The following MDFIC variants were observed in gnomAD, a reference collection of about 807,000 sequenced individuals.
MDFIC encodes the protein MyoD family inhibitor domain containing, also known as myoD family inhibitor domain-containing protein.
A neutral mutation model predicts 23.2 loss-of-function variants in MDFIC; 17 were observed. That is an observed-to-expected ratio of 0.73 (90% CI 0.50 to 1.10). The LOEUF (loss-of-function observed/expected upper bound fraction) is 1.10. Among genes scored for constraint, MDFIC ranks in the 50% least tolerant of loss-of-function variants. MDFIC has a pLI of 0.00. For missense variants in MDFIC, 356 were observed against 316.6 expected, an observed-to-expected ratio of 1.12 and a Z score of -0.95; for synonymous variants, 120 against 115.2, an observed-to-expected ratio of 1.04 and a Z score of -0.27.
At chr7:114,929,575 A>C (rs1188286888) in intron 2 of MDFIC, among the ~76,000 whole-genome samples, 1 of 152,246 alleles carries the variant, frequency 6.6e-6, no homozygotes, top group African/African-American at 2.4e-5. Context: ...TAGAAATTTA[A>C]GGTAATCCAT....
chr7:114,949,012 T>A (rs540082106), intron 3 of MDFIC, among the ~76,000 whole-genome samples: 11 of 152,334 alleles, frequency 7.2e-5, no homozygotes, highest in African/African-American at 2.6e-4. Context: ...ATCAGATTTG[T>A]TTTCGTGAAG....
At chr7:115,006,143 C>T (rs559678307) in intron 4 of MDFIC, among the ~76,000 whole-genome samples, 2 of 152,306 alleles carry the variant, frequency 1.3e-5, no homozygotes, top group African/African-American at 4.8e-5. Context: ...GCTGCCCTTG[C>T]CTCCAGGAGT....
At chr7:115,001,288 A>G (rs1467383251) in intron 4 of MDFIC, among the ~76,000 whole-genome samples, 1 of 152,190 alleles carries the variant, frequency 6.6e-6, no homozygotes, top group East Asian at 1.9e-4. Flanking sequence ...TTAATATACT[A>G]GTTTTCCAAA....
At chr7:114,986,674 T>C (rs935531433) in intron 4 of MDFIC, among the ~76,000 whole-genome samples, 1 of 152,216 alleles carries the variant, frequency 6.6e-6, no homozygotes, top group Non-Finnish European at 1.5e-5. Context: ...CAGCCTGGTA[T>C]GTTCTCATAA....
chr7:114,944,560 G>A (rs912508117), intron 3 of MDFIC, among the ~76,000 whole-genome samples: 9 of 152,120 alleles, frequency 5.9e-5, no homozygotes, highest in Non-Finnish European at 1.2e-4. Flanking sequence ...TGAAAGTTTT[G>A]TATTGTGGTA....
chr7:114,992,673 C>G (rs1173137876), intron 4 of MDFIC, among the ~76,000 whole-genome samples: 3 of 152,284 alleles, frequency 2.0e-5, no homozygotes, highest in Non-Finnish European at 4.4e-5. Flanking sequence ...GTATGTTGAA[C>G]CAGCCTTGCA....
At chr7:114,988,903 G>C (rs542700342) in intron 4 of MDFIC, among the ~76,000 whole-genome samples, 1 of 152,184 alleles carries the variant, frequency 6.6e-6, no homozygotes, top group African/African-American at 2.4e-5. Flanking sequence ...TCAGAGAAAA[G>C]GTCAGATGGC....
chr7:114,992,876 G>A (rs902843547), intron 4 of MDFIC, among the ~76,000 whole-genome samples: 8 of 152,310 alleles, frequency 5.3e-5, no homozygotes, highest in African/African-American at 1.9e-4. Context: ...AATGAGTTAG[G>A]GAGGATTCCC....
chr7:114,989,950 A>G (rs1403942078), intron 4 of MDFIC, among the ~76,000 whole-genome samples: 2 of 152,170 alleles, frequency 1.3e-5, no homozygotes, highest in African/African-American at 4.8e-5. Context: ...TTATGTTCAT[A>G]AGGCCCTTAA....
rs1427811989 is a variant in MDFIC, at chr7:114,923,032, C to T, written c.-2C>T. 1 of 1,382,146 alleles carries T rather than the reference C, an allele frequency of 7.2e-7. No homozygotes were observed. The highest frequency in any genetic ancestry group is 1.5e-5 in the African/African-American group (1 of 64,584). 85.6% of individuals were successfully genotyped at this position (1,382,146 alleles called of 1,614,324 possible). A position where few individuals can be genotyped will look rare whatever the true frequency, so the allele number is the denominator to read the frequency against. On this transcript the variant is annotated 5_prime_UTR_variant, in exon 2 of 5. Transcript: ENST00000393486. ...CGCGGCGCGGGCTCGGCGGAGCGGCCCATGTCCGGCGCGGGCGAAGCCCTC... is the reference window on the plus strand; with the variant it reads ...CGCGGCGCGGGCTCGGCGGAGCGGCTCATGTCCGGCGCGGGCGAAGCCCTC...
At chr7:114,945,090 G>A (rs1355584842) in intron 3 of MDFIC, among the ~76,000 whole-genome samples, 1 of 152,214 alleles carries the variant, frequency 6.6e-6, no homozygotes, top group Non-Finnish European at 1.5e-5. Flanking sequence ...AGACAGACGC[G>A]GTCGAATGTG....
intron 4 of MDFIC, among the ~76,000 whole-genome samples, chr7:115,002,834 T>C (rs1343254651): frequency 6.6e-6 from 1 of 152,214 alleles, no homozygotes; most frequent in Non-Finnish European, 1.5e-5. Flanking sequence ...AAGTTTCTTC[T>C]GGAGAACAGT....
chr7:115,015,641 T>C (rs1791779513), intron 4 of MDFIC, 47 bp from the exon 5 acceptor site: 1 of 1,586,486 alleles, frequency 6.3e-7, no homozygotes, highest in African/African-American at 1.3e-5. Context: ...GTATTTTGTG[T>C]TCCTCCTTTT....
intron 3 of MDFIC, among the ~76,000 whole-genome samples, chr7:114,973,388 A>G (rs181067182): frequency 2.0e-5 from 3 of 152,132 alleles, no homozygotes; most frequent in African/African-American, 7.2e-5. Flanking sequence ...TTTGCTGCCA[A>G]CTGCAAAAAA....
intron 2 of MDFIC, chr7:114,923,455 C>T (rs1490014143): frequency 2.0e-6 from 3 of 1,537,862 alleles, no homozygotes; most frequent in Non-Finnish European, 2.6e-6. Context: ...CGCTTCTCCT[C>T]TAGGTCTCTT....
chr7:114,994,023 C>T (rs1379200225), intron 4 of MDFIC, among the ~76,000 whole-genome samples: 1 of 152,278 alleles, frequency 6.6e-6, no homozygotes, highest in South Asian at 2.1e-4. Context: ...CTTTATGAAT[C>T]TGGGTGCTCC....
At chr7:114,979,372 T>A in intron 3 of MDFIC, 134 bp from the exon 4 acceptor site, 1 of 893,654 alleles carries the variant, frequency 1.1e-6, no homozygotes, top group South Asian at 2.5e-5. Flanking sequence ...TTTTTCTTTC[T>A]TTTCTTTGTT....
At chr7:114,976,379 C>A (rs1484146930) in intron 3 of MDFIC, among the ~76,000 whole-genome samples, 1 of 152,040 alleles carries the variant, frequency 6.6e-6, no homozygotes, top group Non-Finnish European at 1.5e-5. Context: ...TTTTTGGCAT[C>A]TTTTTAAATA....
chr7:114,943,858 AT>A (rs1792597072), intron 3 of MDFIC, among the ~76,000 whole-genome samples: 2 of 152,088 alleles, frequency 1.3e-5, no homozygotes, highest in Admixed American at 6.6e-5. Context: ...GCTTCATTTA[AT>A]TGGTTTATTT....
Sources: gnomAD v4.1 joint callset for allele counts (sites outside exome capture counted in the v4.1 genomes callset) on GRCh38, gnomAD v4.1.1 for gene constraint, MANE v1.5 for transcripts, NCBI Gene and HGNC (gene_info 2026-07-23, HGNC 2026-07-21) for gene names.